The following ANKH variants were observed in gnomAD, a reference collection of about 807,000 sequenced individuals.
The protein encoded by ANKH is mineralization regulator ANKH.
In ANKH, 15 loss-of-function variants were observed where a neutral mutation model predicts 49.0. That is an observed-to-expected ratio of 0.31 (90% CI 0.20 to 0.47). The LOEUF is 0.47. Ranked by LOEUF, ANKH falls within the 20% of genes least tolerant of loss-of-function variation. ANKH has a pLI of 1.00. For missense variants in ANKH, 429 were observed against 652.0 expected, an observed-to-expected ratio of 0.66 and a Z score of 3.72; for synonymous variants, 273 against 260.0, an observed-to-expected ratio of 1.05 and a Z score of -0.48.
chr5:14,818,088 A>T (rs992780994), intron 1 of ANKH, among the ~76,000 whole-genome samples: 34 of 151,178 alleles, frequency 2.2e-4, no homozygotes, highest in East Asian at 9.7e-4. Flanking sequence ...AAAAAGGAAA[A>T]AAAAAAACCC....
chr5:14,812,992 G>C (rs1487876869), intron 1 of ANKH, among the ~76,000 whole-genome samples: 1 of 152,146 alleles, frequency 6.6e-6, no homozygotes, highest in East Asian at 1.9e-4. Flanking sequence ...TATGGTTGAA[G>C]CACTTTGGGA....
chr5:14,759,113 C>T (rs1422420915), intron 2 of ANKH, among the ~76,000 whole-genome samples: 1 of 152,198 alleles, frequency 6.6e-6, no homozygotes, highest in Admixed American at 6.5e-5. Context: ...GTTAATATGC[C>T]TTTCCATAAA....
intron 1 of ANKH, among the ~76,000 whole-genome samples, chr5:14,774,595 G>A (rs920904796): frequency 1.3e-5 from 2 of 151,886 alleles, no homozygotes; most frequent in Non-Finnish European, 2.9e-5. Context: ...CCACCACAAC[G>A]CCTGGCTAAT....
At chr5:14,720,406 A>G (rs1347711453) in intron 8 of ANKH, among the ~76,000 whole-genome samples, 1 of 152,208 alleles carries the variant, frequency 6.6e-6, no homozygotes, top group Non-Finnish European at 1.5e-5. Context: ...ACTAGCCTAC[A>G]AGGGTGAGAC....
At chr5:14,734,417 T>C (rs1418932322) in intron 8 of ANKH, among the ~76,000 whole-genome samples, 3 of 152,230 alleles carry the variant, frequency 2.0e-5, no homozygotes, top group Non-Finnish European at 4.4e-5. Flanking sequence ...GCTCCATCTG[T>C]AAGGGCGCAT....
At chr5:14,719,113 C>A (rs1561022877) in intron 8 of ANKH, among the ~76,000 whole-genome samples, 1 of 152,176 alleles carries the variant, frequency 6.6e-6, no homozygotes, top group Non-Finnish European at 1.5e-5. Context: ...GGGAAAAGCC[C>A]CATCAGGGCA....
chr5:14,763,014 C>A (rs1248144094), intron 2 of ANKH, among the ~76,000 whole-genome samples: 1 of 152,222 alleles, frequency 6.6e-6, no homozygotes, highest in Non-Finnish European at 1.5e-5. Context: ...AAACAAGGGA[C>A]ACAGAAAGTG....
At chr5:14,848,678 G>C (rs2126618488) in intron 1 of ANKH, among the ~76,000 whole-genome samples, 1 of 152,292 alleles carries the variant, frequency 6.6e-6, no homozygotes, top group Non-Finnish European at 1.5e-5. Context: ...CTAAGTGCCT[G>C]GTTCATCTTA....
intron 2 of ANKH, among the ~76,000 whole-genome samples, chr5:14,763,134 G>A (rs1486859297): frequency 6.6e-6 from 1 of 152,156 alleles, no homozygotes. Context: ...ACCATAAAAT[G>A]TTAATATGAA....
chr5:14,758,794 G>A (rs1738984018), intron 2 of ANKH, among the ~76,000 whole-genome samples, 196 bp from the exon 3 acceptor site: 1 of 152,300 alleles, frequency 6.6e-6, no homozygotes, highest in East Asian at 1.9e-4. Flanking sequence ...AATGCTCTGG[G>A]TTCTAATCAC....
intron 8 of ANKH, among the ~76,000 whole-genome samples, chr5:14,729,748 A>C (rs945031160): frequency 1.9e-4 from 29 of 152,254 alleles, no homozygotes; most frequent in African/African-American, 6.7e-4. Flanking sequence ...GGGTGGAGCC[A>C]GAATTCTGGT....
chr5:14,803,543 G>C (rs1348332997), intron 1 of ANKH, among the ~76,000 whole-genome samples: 2 of 152,030 alleles, frequency 1.3e-5, no homozygotes, highest in Non-Finnish European at 2.9e-5. Context: ...GCCTCCCAAA[G>C]TACTGGGATT....
At chr5:14,728,431 A>G (rs992577415) in intron 8 of ANKH, among the ~76,000 whole-genome samples, 3 of 152,232 alleles carry the variant, frequency 2.0e-5, no homozygotes, top group Non-Finnish European at 4.4e-5. Context: ...GTTGAATTCC[A>G]TTAATTCACC....
chr5:14,714,451 G>T (rs1328789279), intron 9 of ANKH, among the ~76,000 whole-genome samples: 2 of 152,056 alleles, frequency 1.3e-5, no homozygotes, highest in Non-Finnish European at 2.9e-5. Flanking sequence ...GGGCCTTGAA[G>T]AGAGGGCCTG....
chr5:14,720,925 G>A (rs1737638892), intron 8 of ANKH, among the ~76,000 whole-genome samples: 1 of 152,228 alleles, frequency 6.6e-6, no homozygotes, highest in African/African-American at 2.4e-5. Context: ...GGCGGAAATG[G>A]GCCTCTGTGG....
At chr5:14,719,172 C>T (rs913386496) in intron 8 of ANKH, among the ~76,000 whole-genome samples, 1 of 152,192 alleles carries the variant, frequency 6.6e-6, no homozygotes, top group African/African-American at 2.4e-5. Context: ...CTTCTGGCCT[C>T]AGGCTTCTCA....
intron 2 of ANKH, among the ~76,000 whole-genome samples, chr5:14,766,848 C>A (rs1242695744): frequency 1.3e-5 from 2 of 152,174 alleles, no homozygotes; most frequent in African/African-American, 4.8e-5. Flanking sequence ...ATCAGGAAGA[C>A]TGCTTGAAAT....
intron 1 of ANKH, among the ~76,000 whole-genome samples, chr5:14,795,875 GATTATAGCCCAACAT>G (rs2126552683): frequency 6.6e-6 from 1 of 150,848 alleles, no homozygotes; most frequent in East Asian, 1.9e-4. Flanking sequence ...AAAAAAAGCA[GATTATAGCCCAACAT>G]ATATAAAAGC....
At chr5:14,822,137 G>A (rs1741213547) in intron 1 of ANKH, among the ~76,000 whole-genome samples, 1 of 152,192 alleles carries the variant, frequency 6.6e-6, no homozygotes, top group African/African-American at 2.4e-5. Flanking sequence ...CATGTAGCTA[G>A]GAGCATTTGA....
Sources: gnomAD v4.1 joint callset for allele counts (sites outside exome capture counted in the v4.1 genomes callset) on GRCh38, gnomAD v4.1.1 for gene constraint, MANE v1.5 for transcripts, NCBI Gene and HGNC (gene_info 2026-07-23, HGNC 2026-07-21) for gene names.